Variants in ADARB1 observed in about 807,000 individuals in gnomAD.
ADARB1 encodes double-stranded RNA-specific editase 1.
In ADARB1, 10 loss-of-function variants were observed where a neutral mutation model predicts 52.4. The ratio of observed to expected loss-of-function variants is 0.19; its 90% CI spans 0.12 to 0.32. ADARB1 has a LOEUF of 0.32. ADARB1 is among the 10% of genes least tolerant of loss of function. The pLI is 1.00. For synonymous variants in ADARB1, 349 were observed against 371.1 expected, an observed-to-expected ratio of 0.94 and a Z score of 0.68; for missense variants, 643 against 922.3, an observed-to-expected ratio of 0.70 and a Z score of 3.92.
At chr21:45,119,672 A>T (rs1334329206) in intron 1 of ADARB1, among the ~76,000 whole-genome samples, 1 of 152,238 alleles carries the variant, frequency 6.6e-6, no homozygotes, top group Non-Finnish European at 1.5e-5. Flanking sequence ...TCAGCACATC[A>T]CCAACAAATA....
chr21:45,129,621 G>A (rs544328520), intron 2 of ADARB1, among the ~76,000 whole-genome samples: 59 of 152,352 alleles, frequency 3.9e-4, no homozygotes, highest in Admixed American at 1.6e-3. Context: ...GGACACAGCC[G>A]TGCTCCCGCC....
At chr21:45,126,325 C>T (rs1370669623) in intron 1 of ADARB1, among the ~76,000 whole-genome samples, 1 of 152,180 alleles carries the variant, frequency 6.6e-6, no homozygotes, top group African/African-American at 2.4e-5. Flanking sequence ...GACCACCATG[C>T]AGCTTGTTAA....
At position 45,200,966 on chromosome 21, in the gene ADARB1, A is replaced by G. The variant is rs1261899351; in HGVS notation, c.1566-3589A>G. Among the ~76,000 whole-genome samples the G allele has an allele frequency of 1.3e-5, 2 of 152,234 alleles. No homozygotes were observed. The highest frequency in any genetic ancestry group is 2.9e-5 in the Non-Finnish European group (2 of 68,040). On this transcript the variant is annotated intron_variant, in intron 8 of 10. Coordinates refer to ENST00000348831, the MANE Select transcript of ADARB1 (RefSeq NM_001112.4). This position sits in a 1 kb window ranked among gnomAD's most constrained non-coding sequence, Gnocchi z 5.0. ...ATGGCACAAGGAAAATGAAAGACGA[A>G]GAAGGCCAGGCACAGATGCCTAGAC... is the stretch of plus-strand genomic sequence containing the variant.
chr21:45,124,785 G>GTA (rs767865699), intron 1 of ADARB1, among the ~76,000 whole-genome samples: 1 of 103,482 alleles, frequency 9.7e-6, no homozygotes, highest in Non-Finnish European at 2.1e-5. Context: ...GTGTGTGTGT[G>GTA]TATGTGTGTG....
intron 9 of ADARB1, among the ~76,000 whole-genome samples, chr21:45,211,850 G>A (rs529920384): frequency 3.3e-5 from 5 of 152,216 alleles, no homozygotes; most frequent in East Asian, 3.9e-4. Context: ...TCTCACTCAC[G>A]TCAGCCCCCA....
chr21:45,134,806 C>G (rs201160866), intron 2 of ADARB1: 1 of 533,988 alleles, frequency 1.9e-6, no homozygotes, highest in Admixed American at 1.9e-5. Flanking sequence ...ATGAAGATCC[C>G]GAGGATGAAG....
rs2092973710 is a variant in ADARB1 at position 45,222,005 on chromosome 21, T to C, written c.1927-13T>C. On this transcript the variant is annotated splice_polypyrimidine_tract_variant and intron_variant, in intron 10 of 10. Coordinates refer to ENST00000348831, the MANE Select transcript of ADARB1 (RefSeq NM_001112.4). ...GCGTCAACAGTTGCATTTGTTTTTT[T>C]ATCCCTTCACAGGTTCCCTCCCACT... 2.5e-6 allele frequency: 4 copies of C among 1,612,464 alleles called. No homozygotes were observed. Among genetic ancestry groups the C allele is most frequent in the African/African-American group, 1.3e-5 (1 of 74,896 alleles).
At chr21:45,163,703 G>T (rs555747170) in intron 2 of ADARB1, among the ~76,000 whole-genome samples, 1 of 152,342 alleles carries the variant, frequency 6.6e-6, no homozygotes, top group African/African-American at 2.4e-5. Flanking sequence ...CCTGGGGGCT[G>T]CTGGGGCCTA....
At position 45,157,114 on chromosome 21, in the gene ADARB1, C is replaced by T. The variant is rs1228078153; in HGVS notation, c.-47-14496C>T. Among the ~76,000 whole-genome samples the T allele has an allele frequency of 6.6e-6, 1 of 152,222 alleles. No individual in the cohort carries two copies. The highest frequency in any genetic ancestry group is 2.4e-5 in the African/African-American group (1 of 41,494). ...TCACTGCATCTGTGCTGATGGGCCT[C>T]GCAGCACAAGAAAGACTCTGCTGCC... On this transcript the variant is annotated intron_variant, in intron 2 of 10. Coordinates refer to ENST00000348831, the MANE Select transcript of ADARB1 (RefSeq NM_001112.4). This position sits in a 1 kb window ranked among gnomAD's most constrained non-coding sequence, Gnocchi z 4.1.
chr21:45,177,309 A>G (rs2091739584), intron 4 of ADARB1: 1 of 152,496 alleles, frequency 6.6e-6, no homozygotes, highest in Non-Finnish European at 1.5e-5. Context: ...GTTGCCTGGG[A>G]GTCTCTACTT....
chr21:45,183,370 A>T lies in ADARB1; in HGVS notation c.1256A>T (p.Asp419Val), dbSNP rs1233618166. ...AACTTTTTTCCTTTCAGTAACAAAG[A>T]TGATCAAAAAAGATCCATCTTTCAG... is the stretch of plus-strand genomic sequence containing the variant. ...TQLELYLNNKDDQKRSIFQKS... is the reference protein window; with the variant it reads ...TQLELYLNNKVDQKRSIFQKS... The change falls in exon 7 of 11, where the codon GAT becomes GTT. Residue 419 changes from aspartate (D) to valine (V), a missense_variant. Asp to Val is a radical substitution (Grantham distance 152). Around this residue, in one of 2 missense-constraint regions of ADARB1, gnomAD observed 263 missense variants for 475.8 expected, o/e 0.55. Transcript: ENST00000348831. 4 of 1,598,916 alleles carry T rather than the reference A, an allele frequency of 2.5e-6. No homozygotes were observed. The East Asian group carries it at 6.7e-5, about 27-fold the overall frequency.
chr21:45,133,025 G>A (rs1251621552), intron 2 of ADARB1, among the ~76,000 whole-genome samples: 3 of 152,188 alleles, frequency 2.0e-5, no homozygotes, highest in Non-Finnish European at 4.4e-5. Flanking sequence ...GCTGGGTGGC[G>A]GCTCATCTGT....
At position 45,175,820 on chromosome 21, in the gene ADARB1, A is replaced by C. The variant is rs1409547261; in HGVS notation, c.119A>C (p.Gln40Pro). 3 of 1,614,052 alleles carry C rather than the reference A, an allele frequency of 1.9e-6. No individual in the cohort carries two copies. The African/African-American group carries it at 4.0e-5, about 22-fold the overall frequency. Residue 40 changes from glutamine (Q) to proline (P), a missense_variant, in exon 4 of 11, where the codon CAG (glutamine) becomes CCG (proline). Gln to Pro is a moderately conservative substitution (Grantham distance 76). Around this residue, in one of 2 missense-constraint regions of ADARB1, gnomAD observed 380 missense variants for 446.5 expected, o/e 0.85. Transcript: ENST00000348831. ...ACACCTGGGCCTGGCGAGGGCTCTC[A>C]GCTCTCCAATGGGGGTGGTGGTGGC... ...GSTPGPGEGS[Q>P]LSNGGGGGPG...
chr21:45,078,785 A>C (rs996023605), intron 1 of ADARB1, among the ~76,000 whole-genome samples: 1 of 152,166 alleles, frequency 6.6e-6, no homozygotes, highest in East Asian at 1.9e-4. Flanking sequence ...ACATGATCTG[A>C]TTTATCTTTA....
intron 9 of ADARB1, among the ~76,000 whole-genome samples, chr21:45,209,969 C>T (rs961424018): frequency 6.6e-6 from 1 of 152,228 alleles, no homozygotes; most frequent in Admixed American, 6.5e-5. Context: ...TAAGAGAATG[C>T]CTGACTTCTG....
intron 1 of ADARB1, among the ~76,000 whole-genome samples, chr21:45,103,834 G>GT (rs1569010594): frequency 1.3e-5 from 2 of 152,090 alleles, no homozygotes; most frequent in African/African-American, 2.4e-5. Context: ...AAAAATAAGT[G>GT]TTTTTTCAAA....
chr21:45,209,140 G>A (rs1164656244), intron 9 of ADARB1, among the ~76,000 whole-genome samples: 1 of 152,138 alleles, frequency 6.6e-6, no homozygotes, highest in Non-Finnish European at 1.5e-5. Context: ...GGGAAAAGCT[G>A]AAATATTGGG....
Position 45,142,781 on chromosome 21 carries a change from CAT to C in ADARB1, c.-48+14209_-48+14210del, listed in dbSNP as rs1435575738. Among the ~76,000 whole-genome samples the C allele has an allele frequency of 1.3e-5, 2 of 152,152 alleles. No individual in the cohort carries two copies. The highest frequency in any genetic ancestry group is 4.8e-5 in the African/African-American group (2 of 41,440). On this transcript the variant is annotated intron_variant, in intron 2 of 10. Coordinates refer to ENST00000348831, the MANE Select transcript of ADARB1 (RefSeq NM_001112.4). The surrounding 1 kb of genome is among the most constrained non-coding windows in gnomAD (Gnocchi z 4.0). ...ACTCAGGGGTGTGGCCTGGCTCCGT[CAT>C]GTGTTTTGCAGGGGGATCTGAGGGG...
chr21:45,082,788 T>G (rs1255700571), intron 1 of ADARB1, among the ~76,000 whole-genome samples: 1 of 152,178 alleles, frequency 6.6e-6, no homozygotes, highest in African/African-American at 2.4e-5. Context: ...CTGGCCTGGC[T>G]TACCTGAGTA....
Sources: allele counts gnomAD v4.1 joint callset (sites outside exome capture counted in the v4.1 genomes callset), GRCh38; gene constraint gnomAD v4.1.1; regional missense constraint gnomAD v4.1.1; non-coding constraint Gnocchi (gnomAD v3.1); transcripts MANE v1.5; gene names NCBI Gene and HGNC (gene_info 2026-07-23, HGNC 2026-07-21).